The following NAF1 variants were observed in gnomAD, a reference collection of about 807,000 sequenced individuals.
NAF1 encodes nuclear assembly factor 1 ribonucleoprotein.
Under a neutral mutation model 40.6 loss-of-function variants are expected in NAF1, and 11 were observed. That is an observed-to-expected ratio of 0.27 (90% CI 0.17 to 0.45). NAF1 has a LOEUF of 0.45. Among genes scored for constraint, NAF1 ranks in the 20% least tolerant of loss-of-function variants. The pLI is 1.00. For missense variants in NAF1, 607 were observed against 611.1 expected, an observed-to-expected ratio of 0.99 and a Z score of 0.07; for synonymous variants, 260 against 228.5, an observed-to-expected ratio of 1.14 and a Z score of -1.24.
intron 3 of NAF1, among the ~76,000 whole-genome samples, chr4:163,147,927 C>A (rs532331111): frequency 1.2e-4 from 19 of 152,102 alleles, no homozygotes; most frequent in African/African-American, 4.3e-4. Flanking sequence ...CCAAAAAGAG[C>A]AAGGAAGTAA....
downstream of NAF1, among the ~76,000 whole-genome samples, chr4:163,107,145 C>T (rs1730061206): frequency 6.6e-6 from 1 of 152,160 alleles, no homozygotes; most frequent in South Asian, 2.1e-4. Flanking sequence ...TGCCACCACA[C>T]CTGGCTAATT....
At chr4:163,115,887 T>C (rs574364536) in intron 2 of NAF1, among the ~76,000 whole-genome samples, 2 of 152,282 alleles carry the variant, frequency 1.3e-5, no homozygotes, top group African/African-American at 4.8e-5. Context: ...TCCCTATCAG[T>C]TTTATTTGTA....
intron 2 of NAF1, among the ~76,000 whole-genome samples, chr4:163,112,553 T>TG (rs1351328291): frequency 6.6e-6 from 1 of 152,154 alleles, no homozygotes; most frequent in East Asian, 1.9e-4. Context: ...GCCTTTATGC[T>TG]GCCCTCAACC....
chr4:163,153,721 C>T (rs1731840563), intron 2 of NAF1, among the ~76,000 whole-genome samples: 2 of 152,168 alleles, frequency 1.3e-5, no homozygotes, highest in African/African-American at 4.8e-5. Context: ...CCTGACAAAA[C>T]AGGCCACTCG....
downstream of NAF1, among the ~76,000 whole-genome samples, chr4:163,107,306 T>TA (rs1246286997): frequency 6.6e-6 from 1 of 152,214 alleles, no homozygotes; most frequent in African/African-American, 2.4e-5. Flanking sequence ...TCTTGCTACT[T>TA]ACGTCATTTT....
intron 4 of NAF1, among the ~76,000 whole-genome samples, chr4:163,142,128 A>G (rs1731284713): frequency 6.6e-6 from 1 of 152,186 alleles, no homozygotes; most frequent in African/African-American, 2.4e-5. Flanking sequence ...AATCCAGTAG[A>G]CCTCGTCCAG....
intron 2 of NAF1, among the ~76,000 whole-genome samples, chr4:163,163,182 A>T (rs1441330927): frequency 6.6e-6 from 1 of 152,206 alleles, no homozygotes; most frequent in Non-Finnish European, 1.5e-5. Flanking sequence ...TACAAAGACC[A>T]CTAAGAAATA....
chr4:163,150,906 C>T (rs1340433497), intron 2 of NAF1, among the ~76,000 whole-genome samples: 1 of 152,100 alleles, frequency 6.6e-6, no homozygotes, highest in Non-Finnish European at 1.5e-5. Context: ...TTCCCCACAA[C>T]CTTGCCATTA....
In NAF1 at chr4:163,144,418, A is replaced by T. The variant is rs150793010; in HGVS notation, c.717+1364T>A. Among the ~76,000 whole-genome samples, 573 of 152,310 alleles carry T rather than the reference A, an allele frequency of 3.8e-3. 5 individuals are homozygous for T. Among genetic ancestry groups the T allele is most frequent in the African/African-American group, 0.013 (547 of 41,572 alleles). On this transcript the variant is annotated intron_variant, in intron 4 of 7. Transcript: ENST00000274054. Reference sequence around the variant, plus strand: ...GTAGCTGATTACTATCGTGTTACTGAAGAAAAGAGGGAAAAGATGTTCGAT... The same window carrying T: ...GTAGCTGATTACTATCGTGTTACTGTAGAAAAGAGGGAAAAGATGTTCGAT...
Position 163,166,839 on chromosome 4 carries a change from C to A in NAF1, c.-112G>T, listed in dbSNP as rs1416930505. Reference sequence around the variant, plus strand: ...GGCAACCGCAGCAACACTGCCTGGGCCCAACTTCCCGCGTTTCTCAGGTAA... The same window carrying A: ...GGCAACCGCAGCAACACTGCCTGGGACCAACTTCCCGCGTTTCTCAGGTAA... On this transcript the variant is annotated 5_prime_UTR_variant, in exon 1 of 8. Coordinates refer to ENST00000274054, the MANE Select transcript of NAF1 (RefSeq NM_138386.3). 3 of 1,404,126 alleles carry A rather than the reference C, an allele frequency of 2.1e-6. No individual in the cohort carries two copies. The highest frequency in any genetic ancestry group is 1.9e-6 in the Non-Finnish European group (2 of 1,053,720). The allele number at this position is 1,404,126 out of a possible 1,614,324, so 87.0% of individuals were successfully genotyped here.
At chr4:163,150,256 G>A (rs542070769) in intron 2 of NAF1, among the ~76,000 whole-genome samples, 27 of 152,114 alleles carry the variant, frequency 1.8e-4, no homozygotes, top group African/African-American at 5.5e-4. Flanking sequence ...AAGTAAAAAA[G>A]TAAAACATGT....
intron 2 of NAF1, chr4:163,158,209 C>T (rs944263147): frequency 2.6e-5 from 4 of 152,170 alleles, no homozygotes; most frequent in African/African-American, 9.6e-5. Context: ...AGGACATGCA[C>T]GTGGCAGCCA....
intron 2 of NAF1, among the ~76,000 whole-genome samples, chr4:163,120,173 T>C (rs1365091114): frequency 6.6e-6 from 1 of 152,186 alleles, no homozygotes; most frequent in East Asian, 1.9e-4. Flanking sequence ...AGCACTCCTG[T>C]ATGTCATGGG....
intron 7 of NAF1, among the ~76,000 whole-genome samples, chr4:163,131,022 G>T (rs748695224): frequency 7.2e-5 from 11 of 152,050 alleles, no homozygotes; most frequent in Admixed American, 3.9e-4. Context: ...GTAGGAATGC[G>T]CCACCATGCC....
intron 1 of NAF1, among the ~76,000 whole-genome samples, 156 bp downstream of exon 1, chr4:163,166,207 G>C (rs1254345882): frequency 6.6e-6 from 1 of 152,216 alleles, no homozygotes; most frequent in African/African-American, 2.4e-5. Context: ...ATAAGGGGCA[G>C]TCGGAGCCAA....
At chr4:163,129,460 TAAA>T in intron 7 of NAF1, 112 bp from the exon 8 acceptor site, 2 of 1,114,874 alleles carry the variant, frequency 1.8e-6, no homozygotes, top group Non-Finnish European at 2.5e-6. Flanking sequence ...TTGTGGCAGT[TAAA>T]AAAGTGTAAG....
At chr4:163,105,931 A>G (rs983754593), downstream of NAF1, among the ~76,000 whole-genome samples, 1 of 152,218 alleles carries the variant, frequency 6.6e-6, no homozygotes, top group Non-Finnish European at 1.5e-5. Context: ...AATTATGAGC[A>G]AGTTGCCAAT....
At chr4:163,140,412 A>G (rs759343096) in intron 4 of NAF1, 29 bp from the exon 5 acceptor site, 4 of 1,554,108 alleles carry the variant, frequency 2.6e-6, no homozygotes, top group Non-Finnish European at 3.5e-6. Context: ...GGCCTCTTTT[A>G]ACATGTAAAA....
At chr4:163,146,745 G>C (rs1215157883) in intron 3 of NAF1, among the ~76,000 whole-genome samples, 1 of 152,170 alleles carries the variant, frequency 6.6e-6, no homozygotes, top group Non-Finnish European at 1.5e-5. Flanking sequence ...CCAGGAGTTT[G>C]AGACCAGCCT....
Sources: gnomAD v4.1 joint callset for allele counts (sites outside exome capture counted in the v4.1 genomes callset) on GRCh38, gnomAD v4.1.1 for gene constraint, MANE v1.5 for transcripts, NCBI Gene and HGNC (gene_info 2026-07-23, HGNC 2026-07-21) for gene names.